Variants in TSPAN32 observed in about 807,000 individuals in gnomAD.
TSPAN32 encodes tetraspanin 32.
TSPAN32 carries 47 observed loss-of-function variants against 42.7 expected under a neutral mutation model. The observed-to-expected ratio is 1.10, with a 90% CI of 0.87 to 1.40. TSPAN32 has a LOEUF of 1.40. TSPAN32 is among the 40% of genes most tolerant of loss of function. TSPAN32 has a pLI of 0.00. For synonymous variants in TSPAN32, 175 were observed against 175.9 expected, an observed-to-expected ratio of 0.99 and a Z score of 0.04; for missense variants, 469 against 424.1, an observed-to-expected ratio of 1.11 and a Z score of -0.93.
intron 1 of TSPAN32, 38 bp from the exon 2 acceptor site, chr11:2,302,805 AG>A: frequency 6.4e-7 from 1 of 1,564,830 alleles, no homozygotes; most frequent in Non-Finnish European, 8.8e-7. Flanking sequence ...CTCCTGCAGC[AG>A]TCCCATGCCC....
At chr11:2,308,855 A>G (rs1246731441) in intron 4 of TSPAN32, 45 bp downstream of exon 4, 1 of 1,293,632 alleles carries the variant, frequency 7.7e-7, no homozygotes. Flanking sequence ...GTCCCCCAGT[A>G]AGCCAGTGGG....
At chr11:2,310,634 C>T (rs1368131015) in intron 4 of TSPAN32, among the ~76,000 whole-genome samples, 2 of 152,358 alleles carry the variant, frequency 1.3e-5, no homozygotes, top group East Asian at 3.9e-4. Context: ...TGTCCTTGGG[C>T]CGCCCTTGGG....
chr11:2,307,433 C>G (rs899613136), intron 3 of TSPAN32, among the ~76,000 whole-genome samples: 2 of 152,174 alleles, frequency 1.3e-5, no homozygotes, highest in Non-Finnish European at 2.9e-5. Flanking sequence ...GGCGTTTCAC[C>G]GGGGCCTCAG....
intron 2 of TSPAN32, 171 bp downstream of exon 2, chr11:2,303,129 G>T: frequency 1.6e-6 from 1 of 606,248 alleles, no homozygotes; most frequent in Non-Finnish European, 2.9e-6. Flanking sequence ...CCCTGGGCAG[G>T]GCCTCGGGTC....
At chr11:2,308,685 C>T in intron 3 of TSPAN32, 51 bp from the exon 4 acceptor site, 1 of 812,322 alleles carries the variant, frequency 1.2e-6, no homozygotes, top group Non-Finnish European at 1.9e-6. Flanking sequence ...CAGCGACCAG[C>T]CCCCCGCAGT....
intron 3 of TSPAN32, among the ~76,000 whole-genome samples, chr11:2,307,302 C>G (rs1848176853): frequency 6.6e-6 from 1 of 152,174 alleles, no homozygotes. Flanking sequence ...CTCCGTCTAT[C>G]CCACGGGCAC....
At position 2,305,381 on chromosome 11, in the gene TSPAN32, CA is replaced by C. The variant is rs1183132411; in HGVS notation, c.279+1178del. ...AAGGCAGGTAGTCTGCCCCCCCCCCCAGAGGGTGTGTGGCCTGCAAAGGGAC... is the reference window on the plus strand; with the variant it reads ...AAGGCAGGTAGTCTGCCCCCCCCCCCGAGGGTGTGTGGCCTGCAAAGGGAC... On this transcript the variant is annotated intron_variant, in intron 3 of 9. Coordinates refer to ENST00000182290, the MANE Select transcript of TSPAN32 (RefSeq NM_139022.3). 8.6e-5 allele frequency among the ~76,000 whole-genome samples: 13 copies of C among 151,660 alleles called. 1 individual carries two copies. Among genetic ancestry groups the C allele is most frequent in the African/African-American group, 2.7e-4 (11 of 41,382 alleles).
chr11:2,302,274 G>A (rs1185261477), intron 1 of TSPAN32, 59 bp downstream of exon 1: 3 of 1,330,478 alleles, frequency 2.3e-6, no homozygotes, highest in African/African-American at 1.5e-5. Context: ...GGTGAGGGGT[G>A]GCAGGGCCTC....
At chr11:2,303,320 G>A (rs1204880199) in intron 2 of TSPAN32, 6 of 199,956 alleles carry the variant, frequency 3.0e-5, no homozygotes, top group African/African-American at 1.4e-4. Context: ...GCAGGTCCAT[G>A]AGGGCTCCAC....
rs961704420 is a variant in TSPAN32, at chr11:2,317,262, C to A, written c.720-82C>A. On this transcript the variant is annotated intron_variant, in intron 8 of 9. Transcript: ENST00000182290. The surrounding 1 kb of genome is among the most constrained non-coding windows in gnomAD (Gnocchi z 6.2). ...GAACATTCTGCAACAGCCCCATGAT[C>A]CCCTCTAGAACATTCCACAATAGCC... The A allele has an allele frequency of 6.4e-5, 71 of 1,106,276 alleles. No individual in the cohort carries two copies. The South Asian group carries it at 8.8e-4, about 14-fold the overall frequency. 68.5% of individuals were successfully genotyped at this position (1,106,276 alleles called of 1,614,324 possible).
chr11:2,314,085 G>A (rs1848634791), intron 5 of TSPAN32, among the ~76,000 whole-genome samples: 1 of 151,802 alleles, frequency 6.6e-6, no homozygotes, highest in Non-Finnish European at 1.5e-5. Flanking sequence ...TTTGGGAGGA[G>A]GTTGAGGCAG....
intron 4 of TSPAN32, among the ~76,000 whole-genome samples, chr11:2,312,352 C>T (rs1457515731): frequency 6.6e-6 from 1 of 152,246 alleles, no homozygotes; most frequent in African/African-American, 2.4e-5. Flanking sequence ...ATTTCACACT[C>T]ACAGACGCTG....
intron 3 of TSPAN32, among the ~76,000 whole-genome samples, chr11:2,305,777 G>A (rs555318680): frequency 1.1e-4 from 16 of 152,272 alleles, no homozygotes; most frequent in Admixed American, 3.3e-4. Context: ...TGCCTGCACT[G>A]GGCTGGGGTC....
At position 2,313,367 on chromosome 11, in the gene TSPAN32, G is replaced by A. The variant is rs967415122; in HGVS notation, c.355-287G>A. Among the ~76,000 whole-genome samples, 1 of 152,172 alleles carries A rather than the reference G, an allele frequency of 6.6e-6. No homozygotes were observed. The highest frequency in any genetic ancestry group is 6.5e-5 in the Admixed American group (1 of 15,282). On this transcript the variant is annotated intron_variant, in intron 4 of 9. Transcript: ENST00000182290. The surrounding 1 kb of genome is among the most constrained non-coding windows in gnomAD (Gnocchi z 9.1). ...AACCTTGTAAGACCACAGCGGAGGC[G>A]GACGCAGAGCTTGGCCTCTGCTTTA...
chr11:2,313,556 C>A lies in TSPAN32; in HGVS notation c.355-98C>A. 1.1e-6 allele frequency: 1 copy of A among 936,182 alleles called. No homozygotes were observed. Among genetic ancestry groups the A allele is most frequent in the Non-Finnish European group, 1.6e-6 (1 of 613,352 alleles). 58.0% of individuals were successfully genotyped at this position (936,182 alleles called of 1,614,324 possible). ...AGGGCAGTGCTGGGACGTCACTCAG[C>A]ACTAAGGGCCCACTAGCGTTTGGGA... On this transcript the variant is annotated intron_variant, in intron 4 of 9. Transcript: ENST00000182290. This position sits in a 1 kb window ranked among gnomAD's most constrained non-coding sequence, Gnocchi z 9.1.
At chr11:2,305,776 T>C (rs1474524042) in intron 3 of TSPAN32, among the ~76,000 whole-genome samples, 1 of 152,126 alleles carries the variant, frequency 6.6e-6, no homozygotes, top group Admixed American at 6.5e-5. Flanking sequence ...ATGCCTGCAC[T>C]GGGCTGGGGT....
At chr11:2,307,397 C>T (rs922218627) in intron 3 of TSPAN32, among the ~76,000 whole-genome samples, 3 of 152,236 alleles carry the variant, frequency 2.0e-5, no homozygotes, top group East Asian at 3.9e-4. Flanking sequence ...ACCACCCAGG[C>T]GGGCACAGTG....
At chr11:2,302,582 T>C (rs893401478) in intron 1 of TSPAN32, 1 of 549,944 alleles carries the variant, frequency 1.8e-6, no homozygotes, top group South Asian at 2.2e-5. Flanking sequence ...GTAGACACAA[T>C]GATCAGAGGT....
At position 2,304,942 on chromosome 11, in the gene TSPAN32, C is replaced by T. The variant is rs533830400; in HGVS notation, c.279+738C>T. 5.9e-5 allele frequency among the ~76,000 whole-genome samples: 9 copies of T among 152,300 alleles called. No homozygotes were observed. In the East Asian group the frequency reaches 1.4e-3, roughly 23 times the overall value. On this transcript the variant is annotated intron_variant, in intron 3 of 9. Transcript: ENST00000182290. The surrounding 1 kb of genome is among the most constrained non-coding windows in gnomAD (Gnocchi z 4.8). ...GGCAGCTCCTCCCTGGCGCCCCGGG[C>T]TCCCACCTGTCCCTCTAGCCTCCCG... is the stretch of plus-strand genomic sequence containing the variant.
Sources: allele counts gnomAD v4.1 joint callset (sites outside exome capture counted in the v4.1 genomes callset), GRCh38; gene constraint gnomAD v4.1.1; non-coding constraint Gnocchi (gnomAD v3.1); transcripts MANE v1.5; gene names NCBI Gene and HGNC (gene_info 2026-07-23, HGNC 2026-07-21).